Variants in FMN1 observed in about 807,000 individuals in gnomAD.
The protein encoded by FMN1 is formin-1.
In FMN1, 110 loss-of-function variants were observed where a neutral mutation model predicts 132.4. The ratio of observed to expected loss-of-function variants is 0.83; its 90% CI spans 0.71 to 0.97. FMN1 has a LOEUF of 0.97. Among genes scored for constraint, FMN1 ranks in the 50% least tolerant of loss-of-function variants. The pLI, the probability that FMN1 is intolerant of heterozygous loss-of-function variation, is 0.00. For missense variants in FMN1, 1,792 were observed against 1,705.3 expected, an observed-to-expected ratio of 1.05 and a Z score of -0.90; for synonymous variants, 722 against 651.7, an observed-to-expected ratio of 1.11 and a Z score of -1.64.
chr15:32,855,020 A>C (rs950499119), intron 17 of FMN1, among the ~76,000 whole-genome samples: 1 of 151,932 alleles, frequency 6.6e-6, no homozygotes, highest in Non-Finnish European at 1.5e-5. Context: ...GTATACAATT[A>C]ATCTTAGTAC....
chr15:32,941,460 G>C (rs1002746773), intron 9 of FMN1, among the ~76,000 whole-genome samples: 5 of 152,042 alleles, frequency 3.3e-5, no homozygotes. Context: ...TCATTATAAA[G>C]GTTACATTTA....
chr15:32,941,918 T>C (rs562501862), intron 9 of FMN1, among the ~76,000 whole-genome samples: 38 of 152,070 alleles, frequency 2.5e-4, no homozygotes, highest in Non-Finnish European at 5.0e-4. Flanking sequence ...CTATCTAGAG[T>C]CAGCTGAACT....
chr15:32,828,308 A>C (rs1397412462), intron 17 of FMN1, among the ~76,000 whole-genome samples: 1 of 152,246 alleles, frequency 6.6e-6, no homozygotes, highest in African/African-American at 2.4e-5. Context: ...CATATGTATC[A>C]ACATCAATAG....
At chr15:33,096,592 C>A (rs1002122142) in intron 4 of FMN1, among the ~76,000 whole-genome samples, 1 of 151,934 alleles carries the variant, frequency 6.6e-6, no homozygotes, top group Non-Finnish European at 1.5e-5. Context: ...CTTTCTCTCC[C>A]AACAAATCTA....
chr15:33,119,494 TTAA>T (rs1555403751), intron 4 of FMN1, among the ~76,000 whole-genome samples: 1 of 152,190 alleles, frequency 6.6e-6, no homozygotes, highest in Non-Finnish European at 1.5e-5. Flanking sequence ...CTGCCAAGCA[TTAA>T]TGAGTCCACC....
chr15:33,089,926 A>G (rs2038845986), intron 4 of FMN1, among the ~76,000 whole-genome samples: 1 of 152,226 alleles, frequency 6.6e-6, no homozygotes, highest in African/African-American at 2.4e-5. Flanking sequence ...TTAGCATATT[A>G]AAGACCTTGG....
chr15:32,909,630 C>G (rs1294218135), intron 11 of FMN1, among the ~76,000 whole-genome samples: 3 of 152,194 alleles, frequency 2.0e-5, no homozygotes, highest in East Asian at 3.9e-4. Flanking sequence ...GAGCCCTAGA[C>G]AGCTTCCTGG....
chr15:32,785,107 T>C (rs905632106), intron 19 of FMN1, among the ~76,000 whole-genome samples: 6 of 149,928 alleles, frequency 4.0e-5, no homozygotes, highest in Non-Finnish European at 8.9e-5. Context: ...CTGTTAACTT[T>C]TGAGTAACTC....
intron 15 of FMN1, 100 bp downstream of exon 15, chr15:32,898,734 G>A (rs1425221911): frequency 1.3e-6 from 1 of 763,276 alleles, no homozygotes; most frequent in African/African-American, 1.7e-5. Flanking sequence ...CATATTCTAT[G>A]TTGGGCTTGC....
At chr15:32,880,398 G>T (rs982022276) in intron 16 of FMN1, among the ~76,000 whole-genome samples, 2 of 152,100 alleles carry the variant, frequency 1.3e-5, no homozygotes, top group Non-Finnish European at 2.9e-5. Flanking sequence ...AGATATATTA[G>T]ATGTATTAAT....
intron 15 of FMN1, 119 bp downstream of exon 15, chr15:32,898,715 G>T: frequency 1.5e-6 from 1 of 665,628 alleles, no homozygotes. Context: ...AACCACGCTG[G>T]AGAGCTCTCA....
chr15:32,997,675 A>G (rs1021426492), intron 7 of FMN1, among the ~76,000 whole-genome samples: 2 of 152,206 alleles, frequency 1.3e-5, no homozygotes, highest in Non-Finnish European at 2.9e-5. Flanking sequence ...GGTGCTCAGC[A>G]TTTAATCTCT....
chr15:32,910,365 T>C lies in FMN1; in HGVS notation c.3288+109A>G, dbSNP rs534191811. ...GCTTGTGTTTCTATGCCTTAATCTC[T>C]TCCAGGCCACGTCAAAACCCTTACT... On this transcript the variant is annotated intron_variant, in intron 11 of 20. Transcript: ENST00000616417. 6.1e-4 allele frequency: 533 copies of C among 868,458 alleles called. 3 individuals are homozygous for C. The highest frequency in any genetic ancestry group is 1.8e-3 in the South Asian group (117 of 65,228). 53.8% of individuals were successfully genotyped at this position (868,458 alleles called of 1,614,324 possible).
At chr15:33,072,265 T>A (rs1566890453) in intron 5 of FMN1, among the ~76,000 whole-genome samples, 2 of 152,178 alleles carry the variant, frequency 1.3e-5, no homozygotes, top group Non-Finnish European at 2.9e-5. Context: ...GAAAATGCAG[T>A]CTTCATGAGA....
chr15:32,878,291 G>A (rs2059684853), intron 16 of FMN1, among the ~76,000 whole-genome samples: 1 of 152,232 alleles, frequency 6.6e-6, no homozygotes, highest in Non-Finnish European at 1.5e-5. Flanking sequence ...AAAGGCAGAA[G>A]TGGTTAAATC....
intron 4 of FMN1, chr15:33,106,367 TG>T (rs1449955373): frequency 1.3e-5 from 2 of 151,916 alleles, no homozygotes; most frequent in Non-Finnish European, 1.5e-5. Flanking sequence ...ATTGTCTCTG[TG>T]GCCTTTTTTT....
At chr15:33,189,149 G>A (rs984440523) in intron 2 of FMN1, among the ~76,000 whole-genome samples, 2 of 152,136 alleles carry the variant, frequency 1.3e-5, no homozygotes, top group African/African-American at 4.8e-5. Context: ...TTAACACAAG[G>A]CCAGTACCTC....
intron 19 of FMN1, among the ~76,000 whole-genome samples, chr15:32,792,044 C>G (rs1243706424): frequency 6.6e-6 from 1 of 152,040 alleles, no homozygotes; most frequent in South Asian, 2.1e-4. Context: ...AAGGCCCACA[C>G]TTAAGGAACA....
At chr15:32,797,627 G>A (rs1182384551) in intron 19 of FMN1, among the ~76,000 whole-genome samples, 4 of 152,004 alleles carry the variant, frequency 2.6e-5, no homozygotes, top group African/African-American at 9.7e-5. Context: ...CTATATAATG[G>A]ATATATTCAG....
Sources: allele counts gnomAD v4.1 joint callset (sites outside exome capture counted in the v4.1 genomes callset), GRCh38; gene constraint gnomAD v4.1.1; transcripts MANE v1.5; gene names NCBI Gene and HGNC (gene_info 2026-07-23, HGNC 2026-07-21).